CFAP54: variants seen among roughly 807,000 people sequenced by gnomAD.
CFAP54 encodes cilia- and flagella-associated protein 54.
A neutral mutation model predicts 370.4 loss-of-function variants in CFAP54; 290 were observed. The ratio of observed to expected loss-of-function variants is 0.78; its 90% CI spans 0.71 to 0.86. The LOEUF (loss-of-function observed/expected upper bound fraction) is 0.86. CFAP54 is among the 40% of genes least tolerant of loss of function. CFAP54 has a pLI of 0.00. For missense variants in CFAP54, 3,399 were observed against 3,528.7 expected, an observed-to-expected ratio of 0.96 and a Z score of 0.93; for synonymous variants, 1,206 against 1,236.5, an observed-to-expected ratio of 0.98 and a Z score of 0.52.
intron 63 of CFAP54, 140 bp from the exon 64 acceptor site, chr12:96,811,596 G>A (rs1468558545): frequency 1.0e-5 from 5 of 498,960 alleles, no homozygotes; most frequent in Non-Finnish European, 1.7e-5. Flanking sequence ...TCTTTCAGGT[G>A]AATTGAAAAC....
intron 65 of CFAP54, among the ~76,000 whole-genome samples, chr12:96,821,662 T>C (rs1959036601): frequency 1.4e-5 from 2 of 147,090 alleles, no homozygotes; most frequent in African/African-American, 5.0e-5. Context: ...AAATTACATA[T>C]AAATTTTTCT....
intron 26 of CFAP54, among the ~76,000 whole-genome samples, chr12:96,614,477 C>T (rs1277664361): frequency 6.6e-6 from 1 of 152,210 alleles, no homozygotes; most frequent in African/African-American, 2.4e-5. Context: ...CCTCTCTCAC[C>T]ACACCTATTC....
rs369458491 is a variant in CFAP54 at position 96,576,678 on chromosome 12, A to G, written c.2713A>G (p.Arg905Gly). The G allele has an allele frequency of 3.3e-6, 5 of 1,535,906 alleles. No homozygotes were observed. Among genetic ancestry groups the G allele is most frequent in the Middle Eastern group, 3.3e-4 (2 of 5,986 alleles). ...GGAAAGTTCAAAAAGAAAGAAAAGCAGAGTCCCCCCTCCACCTATCCTGCT... is the reference window on the plus strand; with the variant it reads ...GGAAAGTTCAAAAAGAAAGAAAAGCGGAGTCCCCCCTCCACCTATCCTGCT... Reference protein sequence around the residue: ...YLESSKRKKSRVPPPPILLSR... With the variant: ...YLESSKRKKSGVPPPPILLSR... The change falls in exon 20 of 68, where the codon AGA (arginine) becomes GGA (glycine). Residue 905 changes from arginine to glycine, a missense_variant. Arg to Gly is a moderately radical substitution (Grantham distance 125). This residue lies in a region of CFAP54 where 2,796 missense variants were observed against 2,869.7 expected (regional missense o/e 0.97). Transcript: ENST00000524981.
At chr12:96,570,044 A>G (rs1237036867) in intron 19 of CFAP54, among the ~76,000 whole-genome samples, 4 of 151,854 alleles carry the variant, frequency 2.6e-5, no homozygotes, top group African/African-American at 9.7e-5. Flanking sequence ...AGTGGTGTGT[A>G]TGGCTCACTG....
chr12:96,657,292 G>T (rs1294231686), intron 36 of CFAP54, among the ~76,000 whole-genome samples: 1 of 152,206 alleles, frequency 6.6e-6, no homozygotes, highest in African/African-American at 2.4e-5. Flanking sequence ...TAGGCAAAAA[G>T]AGGGTCTCCT....
rs535795899 is a variant in CFAP54, at chr12:96,582,070, C to T, written c.3075+965C>T. Among the ~76,000 whole-genome samples the T allele has an allele frequency of 2.6e-5, 4 of 152,206 alleles. 1 individual carries two copies. The highest frequency in any genetic ancestry group is 9.6e-5 in the African/African-American group (4 of 41,526). On this transcript the variant is annotated intron_variant, in intron 22 of 67. Transcript: ENST00000524981. ...CCTGAGTTCAAATTCCAGCTTCTCA[C>T]ACTATCACAGCCATGTGATAGTGGA...
At chr12:96,844,762 C>A (rs1959291052) in intron 66 of CFAP54, among the ~76,000 whole-genome samples, 1 of 152,136 alleles carries the variant, frequency 6.6e-6, no homozygotes, top group African/African-American at 2.4e-5. Flanking sequence ...TGGGCACTCC[C>A]CCAGCTCCCA....
intron 26 of CFAP54, among the ~76,000 whole-genome samples, chr12:96,615,759 A>G (rs551316945): frequency 1.3e-5 from 2 of 152,372 alleles, no homozygotes; most frequent in East Asian, 3.9e-4. Context: ...GACACATGAA[A>G]AAATGCTCAT....
At chr12:96,559,060 AC>A (rs1955787640) in intron 17 of CFAP54, among the ~76,000 whole-genome samples, 1 of 152,084 alleles carries the variant, frequency 6.6e-6, no homozygotes, top group Non-Finnish European at 1.5e-5. Context: ...TACTAAAAAT[AC>A]AAAAATCAGC....
At chr12:96,655,075 A>G (rs976247539) in intron 36 of CFAP54, among the ~76,000 whole-genome samples, 2 of 152,086 alleles carry the variant, frequency 1.3e-5, no homozygotes, top group Admixed American at 6.5e-5. Flanking sequence ...GATTCACTAT[A>G]TATGTGATAT....
At chr12:96,536,865 A>G (rs1955511935) in intron 12 of CFAP54, among the ~76,000 whole-genome samples, 1 of 151,950 alleles carries the variant, frequency 6.6e-6, no homozygotes, top group Admixed American at 6.6e-5. Context: ...ACCTCAGATG[A>G]TCCGCCCACC....
chr12:96,554,440 C>G (rs1317900781), intron 16 of CFAP54, 130 bp downstream of exon 16: 1 of 1,225,650 alleles, frequency 8.2e-7, no homozygotes, highest in South Asian at 1.9e-5. Context: ...ATATTTCCCT[C>G]TTCCCAGAAG....
chr12:96,597,448 A>G (rs2136440110), intron 25 of CFAP54, among the ~76,000 whole-genome samples: 1 of 152,098 alleles, frequency 6.6e-6, no homozygotes, highest in Non-Finnish European at 1.5e-5. Flanking sequence ...GCAACTGAGC[A>G]TGTAAAAGGG....
chr12:96,612,199 ACT>A (rs1447037294), intron 26 of CFAP54, among the ~76,000 whole-genome samples: 2 of 152,200 alleles, frequency 1.3e-5, no homozygotes, highest in African/African-American at 4.8e-5. Context: ...CTCAGCAGAA[ACT>A]CTACAAGCCA....
chr12:96,500,812 T>C (rs1352778677), intron 1 of CFAP54, 22 bp from the exon 2 acceptor site: 7 of 1,494,472 alleles, frequency 4.7e-6, no homozygotes, highest in Non-Finnish European at 6.3e-6. Context: ...GACAATGTCG[T>C]TTTATTTTAT....
chr12:96,708,907 C>A, intron 48 of CFAP54, 104 bp downstream of exon 48: 1 of 925,844 alleles, frequency 1.1e-6, no homozygotes, highest in Non-Finnish European at 1.6e-6. Flanking sequence ...TATTCTTCCA[C>A]AGTTTTCTCT....
intron 39 of CFAP54, among the ~76,000 whole-genome samples, chr12:96,670,904 G>A (rs141295611): frequency 1.4e-3 from 210 of 152,268 alleles, no homozygotes; most frequent in Admixed American, 2.4e-3. Flanking sequence ...TCTGACTAAT[G>A]AGCTCATCAT....
chr12:96,570,619 A>G (rs1014858996), intron 19 of CFAP54, among the ~76,000 whole-genome samples: 3 of 152,170 alleles, frequency 2.0e-5, no homozygotes, highest in African/African-American at 7.2e-5. Context: ...CAAGTTATTT[A>G]TGCTCTCTTA....
intron 50 of CFAP54, among the ~76,000 whole-genome samples, chr12:96,726,804 T>C (rs1957845774): frequency 6.6e-6 from 1 of 152,082 alleles, no homozygotes; most frequent in Admixed American, 6.5e-5. Flanking sequence ...CTTTCTCTTG[T>C]GGGCATTTAG....
Sources: allele counts gnomAD v4.1 joint callset (sites outside exome capture counted in the v4.1 genomes callset), GRCh38; gene constraint gnomAD v4.1.1; regional missense constraint gnomAD v4.1.1; transcripts MANE v1.5; gene names NCBI Gene and HGNC (gene_info 2026-07-23, HGNC 2026-07-21).